The following SDK1 variants were observed in gnomAD, a reference collection of about 807,000 sequenced individuals.
SDK1 encodes protein sidekick-1.
Under a neutral mutation model 245.5 loss-of-function variants are expected in SDK1, and 157 were observed. The observed-to-expected ratio is 0.64, with a 90% CI of 0.56 to 0.73. SDK1 has a LOEUF of 0.73. SDK1 is among the 30% of genes least tolerant of loss of function. The probability of loss-of-function intolerance (pLI) is 0.00; values close to 1 mark genes in which losing one functional copy is unlikely to be tolerated. For missense variants in SDK1, 3,583 were observed against 3,002.3 expected (o/e 1.19, Z -4.52); for synonymous variants, 1,647 against 1,278.5 (o/e 1.29, Z -6.15).
At chr7:4,178,971 G>A (rs1033391702) in intron 35 of SDK1, among the ~76,000 whole-genome samples, 15 of 152,222 alleles carry the variant, frequency 9.9e-5, no homozygotes, top group East Asian at 1.9e-4. Flanking sequence ...AGTGGGCTTC[G>A]GCAGTGGCCT....
chr7:3,312,900 C>A (rs1018478447), intron 1 of SDK1, among the ~76,000 whole-genome samples: 2 of 152,114 alleles, frequency 1.3e-5, no homozygotes, highest in African/African-American at 4.8e-5. Flanking sequence ...TAGTAAACCC[C>A]ACACAGGATA....
At chr7:3,430,903 T>A (rs1168687408) in intron 1 of SDK1, among the ~76,000 whole-genome samples, 1 of 152,144 alleles carries the variant, frequency 6.6e-6, no homozygotes, top group African/African-American at 2.4e-5. Context: ...TACCTTTTTT[T>A]GTTCGTTTGT....
chr7:4,109,657 C>T (rs1783201154), intron 22 of SDK1, among the ~76,000 whole-genome samples: 1 of 152,194 alleles, frequency 6.6e-6, no homozygotes, highest in South Asian at 2.1e-4. Context: ...AGATGAGCTC[C>T]AGGGCTCTCC....
intron 32 of SDK1, among the ~76,000 whole-genome samples, chr7:4,166,700 G>A (rs1167007448): frequency 6.6e-6 from 1 of 152,198 alleles, no homozygotes; most frequent in African/African-American, 2.4e-5. Context: ...CTTCCGGCCC[G>A]GGGGACCACG....
chr7:3,740,238 G>C (rs187594736), intron 4 of SDK1, among the ~76,000 whole-genome samples: 6 of 152,164 alleles, frequency 3.9e-5, no homozygotes, highest in African/African-American at 1.2e-4. Context: ...CCAGAGGTGA[G>C]ATATTAGAGC....
Position 4,094,195 on chromosome 7 carries a change from G to T in SDK1, c.3324+14611G>T, listed in dbSNP as rs192944775. 1.4e-3 allele frequency among the ~76,000 whole-genome samples: 210 copies of T among 152,218 alleles called. 1 individual carries two copies. The highest frequency in any genetic ancestry group is 4.9e-3 in the African/African-American group (203 of 41,538). The stretch of plus-strand genomic sequence containing the variant: ...CCTCAGCCTCCCGAGTAGAGTGGCT[G>T]GGATTACAGGCACCTGCCACCACAC... On this transcript the variant is annotated intron_variant, in intron 22 of 44. Coordinates refer to ENST00000404826, the MANE Select transcript of SDK1 (RefSeq NM_152744.4).
Position 3,735,480 on chromosome 7 carries a change from T to C in SDK1, c.714-85970T>C, listed in dbSNP as rs114790913. 5.4e-3 allele frequency among the ~76,000 whole-genome samples: 815 copies of C among 152,300 alleles called. 6 individuals are homozygous for C. Among genetic ancestry groups the C allele is most frequent in the African/African-American group, 0.018 (766 of 41,550 alleles). ...ATAATGTCTCCAAGGTTCACACATG[T>C]GGTAGCGTGTGTCAGAACTTCCCAT... On this transcript the variant is annotated intron_variant, in intron 4 of 44. Transcript: ENST00000404826.
chr7:3,951,183 G>A, intron 6 of SDK1, 149 bp downstream of exon 6: 1 of 640,208 alleles, frequency 1.6e-6, no homozygotes, highest in South Asian at 1.8e-5. Flanking sequence ...CGAGATATGG[G>A]TAGATAAGGA....
At chr7:3,567,972 A>G (rs1302696533) in intron 1 of SDK1, among the ~76,000 whole-genome samples, 5 of 152,072 alleles carry the variant, frequency 3.3e-5, no homozygotes, top group East Asian at 1.9e-4. Flanking sequence ...ATGCACAACC[A>G]TGCCTGGCTA....
chr7:3,470,588 C>T (rs576517808), intron 1 of SDK1, among the ~76,000 whole-genome samples: 5 of 152,104 alleles, frequency 3.3e-5, no homozygotes, highest in Middle Eastern at 3.4e-3. Context: ...AAACTAGGTA[C>T]GCTGGAGACT....
At chr7:3,578,483 C>G (rs185268277) in intron 1 of SDK1, among the ~76,000 whole-genome samples, 10 of 152,116 alleles carry the variant, frequency 6.6e-5, no homozygotes, top group Admixed American at 6.5e-4. Flanking sequence ...AGCAGAAAAC[C>G]AGTCTGACCT....
At chr7:3,422,920 C>G (rs1044638340) in intron 1 of SDK1, among the ~76,000 whole-genome samples, 4 of 152,076 alleles carry the variant, frequency 2.6e-5, no homozygotes, top group Non-Finnish European at 2.9e-5. Flanking sequence ...ATATTGTTAC[C>G]TCATTTTACC....
chr7:3,973,884 A>G (rs543369928), intron 12 of SDK1, among the ~76,000 whole-genome samples: 1 of 152,216 alleles, frequency 6.6e-6, no homozygotes, highest in South Asian at 2.1e-4. Flanking sequence ...CATATGCCAT[A>G]AAATTCACTC....
chr7:3,531,790 G>A (rs1036263578), intron 1 of SDK1, among the ~76,000 whole-genome samples: 6 of 152,168 alleles, frequency 3.9e-5, no homozygotes, highest in African/African-American at 1.4e-4. Context: ...TCTGAACAAT[G>A]TAAAGTGTTA....
At chr7:3,766,886 A>G (rs1780269610) in intron 4 of SDK1, among the ~76,000 whole-genome samples, 1 of 152,216 alleles carries the variant, frequency 6.6e-6, no homozygotes, top group Admixed American at 6.5e-5. Flanking sequence ...AGCTCATGGC[A>G]TTGTCACTTT....
intron 13 of SDK1, among the ~76,000 whole-genome samples, chr7:3,982,655 A>G (rs1343534544): frequency 1.3e-5 from 2 of 152,082 alleles, no homozygotes; most frequent in Non-Finnish European, 2.9e-5. Context: ...CCTGGCTAAC[A>G]TGGTGCAACC....
rs1347814773 is a variant in SDK1, at chr7:4,205,841, G to A, written c.5099-38G>A. On this transcript the variant is annotated intron_variant, in intron 35 of 44. Coordinates refer to ENST00000404826, the MANE Select transcript of SDK1 (RefSeq NM_152744.4). ...GCGAGGGTCCGGGCCGGCTCTGAATGAACGTCTCAGCTTCTCTCCGCATTG... is the reference window on the plus strand; with the variant it reads ...GCGAGGGTCCGGGCCGGCTCTGAATAAACGTCTCAGCTTCTCTCCGCATTG... 4.7e-6 allele frequency: 7 copies of A among 1,505,022 alleles called. No homozygotes were observed. The South Asian group carries it at 8.4e-5, about 18-fold the overall frequency. 93.2% of individuals were successfully genotyped at this position (1,505,022 alleles called of 1,614,324 possible).
intron 44 of SDK1, among the ~76,000 whole-genome samples, chr7:4,262,820 C>T (rs866608353): frequency 9.8e-4 from 53 of 54,230 alleles, no homozygotes; most frequent in African/African-American, 4.0e-3. Context: ...ACCCCCTACC[C>T]CTCCCCTCCC....
At chr7:4,068,309 A>G (rs928775373) in intron 20 of SDK1, among the ~76,000 whole-genome samples, 4 of 152,150 alleles carry the variant, frequency 2.6e-5, no homozygotes, top group African/African-American at 9.7e-5. Flanking sequence ...CGATATTATG[A>G]CCATTTTACA....
Sources: gnomAD v4.1 joint callset for allele counts (sites outside exome capture counted in the v4.1 genomes callset) on GRCh38, gnomAD v4.1.1 for gene constraint, MANE v1.5 for transcripts, NCBI Gene and HGNC (gene_info 2026-07-23, HGNC 2026-07-21) for gene names.